Variants in ADAMTS6 observed in about 807,000 individuals in gnomAD.
ADAMTS6 encodes the protein ADAM metallopeptidase with thrombospondin type 1 motif 6.
ADAMTS6 carries 23 observed loss-of-function variants against 144.3 expected under a neutral mutation model. That is an observed-to-expected ratio of 0.16 (90% confidence interval 0.11 to 0.23). ADAMTS6 has a LOEUF of 0.23. ADAMTS6 is among the 10% of genes least tolerant of loss of function. ADAMTS6 has a pLI of 1.00. For missense variants in ADAMTS6, 999 were observed against 1,379.6 expected, an observed-to-expected ratio of 0.72 and a Z score of 4.37; for synonymous variants, 444 against 457.5, an observed-to-expected ratio of 0.97 and a Z score of 0.38.
intron 11 of ADAMTS6, among the ~76,000 whole-genome samples, chr5:65,290,174 C>T (rs1742149279): frequency 6.6e-6 from 1 of 152,128 alleles, no homozygotes; most frequent in Non-Finnish European, 1.5e-5. Context: ...AGGATACATA[C>T]AGTGCAATGA....
At chr5:65,474,796 C>CAAAAAAAAAAAAAAAAAAAAAAGAAAAAA (rs11330695) in intron 1 of ADAMTS6, among the ~76,000 whole-genome samples, 1 of 78,882 alleles carries the variant, frequency 1.3e-5, no homozygotes, top group Non-Finnish European at 2.6e-5. Context: ...AAACTGTGAC[C>CAAAAAAAAAAAAAAAAAAAAAAGAAAAAA]AAAAAAAAAA....
chr5:65,210,765 T>C (rs541141250), intron 20 of ADAMTS6: 10 of 625,170 alleles, frequency 1.6e-5, no homozygotes, highest in South Asian at 1.6e-4. Flanking sequence ...TGGAGGAAGA[T>C]GAAGATGCTT....
chr5:65,353,346 A>G (rs1749035415), intron 7 of ADAMTS6, among the ~76,000 whole-genome samples: 1 of 152,144 alleles, frequency 6.6e-6, no homozygotes, highest in Admixed American at 6.6e-5. Flanking sequence ...TAAGTAACTT[A>G]CCCAACAGCA....
At chr5:65,299,248 G>A (rs1743141608) in intron 10 of ADAMTS6, among the ~76,000 whole-genome samples, 1 of 151,996 alleles carries the variant, frequency 6.6e-6, no homozygotes, top group East Asian at 1.9e-4. Flanking sequence ...GACATAAACA[G>A]TATGACTTAA....
intron 9 of ADAMTS6, among the ~76,000 whole-genome samples, chr5:65,324,331 T>C (rs1212880668): frequency 6.6e-6 from 1 of 152,126 alleles, no homozygotes; most frequent in Non-Finnish European, 1.5e-5. Context: ...GCTAGAAGTA[T>C]AAATCTTCTC....
At chr5:65,269,723 C>A (rs1761909518) in intron 12 of ADAMTS6, among the ~76,000 whole-genome samples, 2 of 151,358 alleles carry the variant, frequency 1.3e-5, no homozygotes, top group Admixed American at 1.3e-4. Context: ...CATATGATTT[C>A]TCTTAATATT....
intron 12 of ADAMTS6, among the ~76,000 whole-genome samples, chr5:65,269,380 T>C (rs1761883771): frequency 6.6e-6 from 1 of 152,328 alleles, no homozygotes; most frequent in African/African-American, 2.4e-5. Flanking sequence ...CATTGCTTTC[T>C]TATTGTGATT....
At chr5:65,479,687 C>T (rs1179522953) in intron 1 of ADAMTS6, among the ~76,000 whole-genome samples, 1 of 152,090 alleles carries the variant, frequency 6.6e-6, no homozygotes, top group Non-Finnish European at 1.5e-5. Flanking sequence ...GCATAAAGAC[C>T]CATCCTAGTT....
At chr5:65,156,813 G>C (rs1271512651) in intron 24 of ADAMTS6, among the ~76,000 whole-genome samples, 2 of 152,192 alleles carry the variant, frequency 1.3e-5, no homozygotes, top group Non-Finnish European at 2.9e-5. Flanking sequence ...TCATGTACCA[G>C]CTAAGTACTC....
In ADAMTS6 at chr5:65,300,733, G is replaced by A. The variant is rs533202290; in HGVS notation, c.1224-602C>T. ...TGCAAGCTCAGCCTCCCGGGTTCAC[G>A]CCATTGTCCTGCCTCATCCTCCCGA... is the stretch of plus-strand genomic sequence containing the variant. On this transcript the variant is annotated intron_variant, in intron 9 of 24. Coordinates refer to ENST00000381055, the MANE Select transcript of ADAMTS6 (RefSeq NM_197941.4). Among the ~76,000 whole-genome samples the A allele has an allele frequency of 1.2e-4, 18 of 151,892 alleles. 1 individual carries two copies. Among genetic ancestry groups the A allele is most frequent in the Admixed American group, 8.5e-4 (13 of 15,236 alleles).
At chr5:65,245,393 C>G (rs1323423326) in intron 14 of ADAMTS6, among the ~76,000 whole-genome samples, 1 of 152,094 alleles carries the variant, frequency 6.6e-6, no homozygotes, top group Non-Finnish European at 1.5e-5. Context: ...CTTCAGGTAA[C>G]AGTTCCATCC....
intron 9 of ADAMTS6, among the ~76,000 whole-genome samples, chr5:65,324,147 CT>C (rs1745936317): frequency 6.6e-6 from 1 of 152,142 alleles, no homozygotes; most frequent in South Asian, 2.1e-4. Flanking sequence ...TCAATTTTGG[CT>C]TTTGTTGCCA....
At chr5:65,399,880 C>G (rs1316698286) in intron 7 of ADAMTS6, among the ~76,000 whole-genome samples, 3 of 152,022 alleles carry the variant, frequency 2.0e-5, no homozygotes, top group African/African-American at 7.2e-5. Flanking sequence ...TTACATAGAT[C>G]CAAGTTTCTC....
chr5:65,237,903 A>G (rs1394215865), intron 15 of ADAMTS6, among the ~76,000 whole-genome samples: 3 of 152,124 alleles, frequency 2.0e-5, no homozygotes, highest in Non-Finnish European at 4.4e-5. Context: ...CCTGGGCAAC[A>G]TGACAAAACC....
chr5:65,240,402 T>G (rs1433891395), intron 15 of ADAMTS6, among the ~76,000 whole-genome samples: 1 of 152,186 alleles, frequency 6.6e-6, no homozygotes, highest in Non-Finnish European at 1.5e-5. Context: ...GTCAGAATGA[T>G]GGTTGTCTCT....
At chr5:65,417,903 G>A (rs1001611495) in intron 7 of ADAMTS6, among the ~76,000 whole-genome samples, 1 of 151,940 alleles carries the variant, frequency 6.6e-6, no homozygotes, top group African/African-American at 2.4e-5. Flanking sequence ...TCCAAAAAGG[G>A]CCCAAATAGC....
chr5:65,444,914 T>C (rs1439666564), intron 7 of ADAMTS6, among the ~76,000 whole-genome samples: 1 of 152,208 alleles, frequency 6.6e-6, no homozygotes, highest in African/African-American at 2.4e-5. Flanking sequence ...CTCTCTCTTC[T>C]CCAATATGGA....
intron 9 of ADAMTS6, among the ~76,000 whole-genome samples, chr5:65,326,297 A>G (rs56318348): frequency 0.11 from 17,308 of 152,218 alleles, 1,058 homozygotes; most frequent in African/African-American, 0.16. Context: ...ATTCTTTCCT[A>G]TAAGGTTTCA....
intron 7 of ADAMTS6, among the ~76,000 whole-genome samples, chr5:65,434,701 A>C (rs954143667): frequency 5.9e-5 from 9 of 152,204 alleles, no homozygotes; most frequent in African/African-American, 1.9e-4. Flanking sequence ...TAATAAAAAA[A>C]CTAATTGCTA....
Sources: allele counts gnomAD v4.1 joint callset (sites outside exome capture counted in the v4.1 genomes callset), GRCh38; gene constraint gnomAD v4.1.1; transcripts MANE v1.5; gene names NCBI Gene and HGNC (gene_info 2026-07-23, HGNC 2026-07-21).